ADARB1: variants seen among roughly 807,000 people sequenced by gnomAD.
ADARB1 encodes the protein adenosine deaminase RNA specific B1, also known as double-stranded RNA-specific editase 1.
ADARB1 carries 10 observed loss-of-function variants against 52.4 expected under a neutral mutation model. The observed-to-expected ratio is 0.19, with a 90% CI of 0.12 to 0.32. The LOEUF (loss-of-function observed/expected upper bound fraction) is 0.32. ADARB1 is among the 10% of genes least tolerant of loss of function. ADARB1 has a pLI of 1.00. For missense variants in ADARB1, 643 were observed against 922.3 expected (o/e 0.70, Z 3.92); for synonymous variants, 349 against 371.1 (o/e 0.94, Z 0.68).
intron 8 of ADARB1, among the ~76,000 whole-genome samples, chr21:45,189,195 A>C (rs8126717): frequency 0.68 from 103,454 of 151,048 alleles, 35,895 homozygotes; most frequent in African/African-American, 0.81. Flanking sequence ...ATTCTCATTT[A>C]TTTTATTTTT....
intron 1 of ADARB1, among the ~76,000 whole-genome samples, chr21:45,089,071 G>T (rs1031373597): frequency 1.2e-4 from 18 of 152,148 alleles, no homozygotes; most frequent in African/African-American, 4.3e-4. Context: ...AACAGAAGCC[G>T]GTATTGGTGG....
chr21:45,205,121 T>G (rs1338802187), intron 9 of ADARB1, among the ~76,000 whole-genome samples: 1 of 151,868 alleles, frequency 6.6e-6, no homozygotes, highest in Non-Finnish European at 1.5e-5. Flanking sequence ...ATCAGCCAGA[T>G]GAGGTGGGGC....
At chr21:45,104,658 G>A (rs2087168810) in intron 1 of ADARB1, among the ~76,000 whole-genome samples, 1 of 152,252 alleles carries the variant, frequency 6.6e-6, no homozygotes, top group Non-Finnish European at 1.5e-5. Context: ...ACATAGCATT[G>A]CTGGGCCCCT....
chr21:45,154,667 A>T (rs1330277752), intron 2 of ADARB1, among the ~76,000 whole-genome samples: 23 of 152,184 alleles, frequency 1.5e-4, no homozygotes, highest in Non-Finnish European at 2.9e-4. Context: ...TGCCTTCCAC[A>T]GGGCAAATAA....
intron 1 of ADARB1, among the ~76,000 whole-genome samples, chr21:45,110,852 G>A (rs1429610211): frequency 6.6e-6 from 1 of 152,126 alleles, no homozygotes; most frequent in Admixed American, 6.5e-5. Context: ...TTTACCTGCT[G>A]GAAGGTACTC....
At position 45,176,384 on chromosome 21, in the gene ADARB1, T is replaced by G; in HGVS notation, c.683T>G (p.Phe228Cys). The G allele has an allele frequency of 6.2e-7, 1 of 1,614,000 alleles. No homozygotes were observed. Among genetic ancestry groups the G allele is most frequent in the Non-Finnish European group, 8.5e-7 (1 of 1,179,990 alleles). Residue 228 changes from phenylalanine (F) to cysteine (C), a missense_variant, in exon 4 of 11, where the codon TTC becomes TGC. By Grantham distance (205) the Phe-to-Cys change is radical. Coordinates refer to ENST00000348831, the MANE Select transcript of ADARB1 (RefSeq NM_001112.4). The surrounding 1 kb of genome is among the most constrained non-coding windows in gnomAD (Gnocchi z 5.8). The part of the protein sequence containing the change: ...AQPPLPVLPP[F>C]PPPSGKNPVM... ...CCTCCTCTCCCTGTCTTACCACCAT[T>G]CCCACCCCCGAGTGGGAAGAATCCC...
Position 45,088,927 on chromosome 21 carries a change from G to A in ADARB1, c.-220+14134G>A, listed in dbSNP as rs746274269. Reference sequence around the variant, plus strand: ...ATGTCAGACGCTCCAGTAGAGGGACGTCCTGCAAAATACCTCACCTCATCA... The same window carrying A: ...ATGTCAGACGCTCCAGTAGAGGGACATCCTGCAAAATACCTCACCTCATCA... On this transcript the variant is annotated intron_variant, in intron 1 of 10. Coordinates refer to ENST00000348831, the MANE Select transcript of ADARB1 (RefSeq NM_001112.4). 5.8e-4 allele frequency among the ~76,000 whole-genome samples: 88 copies of A among 152,246 alleles called. 1 individual carries two copies. The highest frequency in any genetic ancestry group is 8.3e-4 in the South Asian group (4 of 4,810).
chr21:45,175,631 C>T, intron 3 of ADARB1, 99 bp from the exon 4 acceptor site: 1 of 1,210,844 alleles, frequency 8.3e-7, no homozygotes, highest in Non-Finnish European at 1.2e-6. Flanking sequence ...GCACACATCA[C>T]TTAACCAGTT....
chr21:45,125,922 T>A (rs1007951956), intron 1 of ADARB1, among the ~76,000 whole-genome samples: 1 of 152,228 alleles, frequency 6.6e-6, no homozygotes, highest in Non-Finnish European at 1.5e-5. Context: ...ACTCTTTAAT[T>A]TTTTTACTCC....
At chr21:45,177,039 C>G in intron 4 of ADARB1, 1 of 184,744 alleles carries the variant, frequency 5.4e-6, no homozygotes, top group South Asian at 1.5e-4. Flanking sequence ...AAACCTTGCC[C>G]CCAGTTCAGC....
In ADARB1 at chr21:45,082,596, T is replaced by C. The variant is rs112933539; in HGVS notation, c.-220+7803T>C. On this transcript the variant is annotated intron_variant, in intron 1 of 10. Transcript: ENST00000348831. The stretch of plus-strand genomic sequence containing the variant: ...GGTCTCATTACCCCTATTTATCAGA[T>C]CAGAAAACTGATGCTAAGGGGCTCA... Among the ~76,000 whole-genome samples the C allele has an allele frequency of 5.8e-3, 890 of 152,304 alleles. 14 individuals are homozygous for C. Among genetic ancestry groups the C allele is most frequent in the African/African-American group, 0.02 (841 of 41,556 alleles).
At chr21:45,211,003 C>T (rs2092758038) in intron 9 of ADARB1, among the ~76,000 whole-genome samples, 1 of 152,240 alleles carries the variant, frequency 6.6e-6, no homozygotes, top group South Asian at 2.1e-4. Flanking sequence ...CTGAGGTCTC[C>T]TTTGAGAAAG....
chr21:45,175,137 G>A (rs1432427967), intron 3 of ADARB1, among the ~76,000 whole-genome samples: 4 of 152,122 alleles, frequency 2.6e-5, no homozygotes, highest in Admixed American at 2.6e-4. Context: ...TTTAAAGATT[G>A]GTTCATAAAC....
intron 1 of ADARB1, among the ~76,000 whole-genome samples, chr21:45,093,633 T>C (rs2086644924): frequency 6.6e-6 from 1 of 152,182 alleles, no homozygotes; most frequent in South Asian, 2.1e-4. Context: ...CCTTTGACTG[T>C]GTGCCCGGAG....
At chr21:45,207,460 T>C (rs937062430) in intron 9 of ADARB1, among the ~76,000 whole-genome samples, 1 of 152,156 alleles carries the variant, frequency 6.6e-6, no homozygotes, top group African/African-American at 2.4e-5. Context: ...AGGCAAGTAA[T>C]GCTGTGGGTG....
intron 1 of ADARB1, among the ~76,000 whole-genome samples, chr21:45,084,637 G>A (rs2086271136): frequency 6.6e-6 from 1 of 152,230 alleles, no homozygotes; most frequent in Non-Finnish European, 1.5e-5. Flanking sequence ...TAAGCCACCA[G>A]AGGTAATTCA....
chr21:45,132,494 T>C (rs576189092), intron 2 of ADARB1, among the ~76,000 whole-genome samples: 4 of 152,298 alleles, frequency 2.6e-5, no homozygotes, highest in Admixed American at 2.0e-4. Context: ...TGAATTTCTT[T>C]AACTTGAGGC....
intron 1 of ADARB1, among the ~76,000 whole-genome samples, chr21:45,082,617 G>A (rs987380842): frequency 2.0e-5 from 3 of 152,180 alleles, no homozygotes; most frequent in East Asian, 1.9e-4. Context: ...ATGCTAAGGG[G>A]CTCAGTGACT....
chr21:45,125,874 T>C (rs2088544854), intron 1 of ADARB1, among the ~76,000 whole-genome samples: 1 of 152,232 alleles, frequency 6.6e-6, no homozygotes, highest in African/African-American at 2.4e-5. Context: ...TTCTTTGAGC[T>C]TACTTTGTTC....
Sources: allele counts gnomAD v4.1 joint callset (sites outside exome capture counted in the v4.1 genomes callset), GRCh38; gene constraint gnomAD v4.1.1; non-coding constraint Gnocchi (gnomAD v3.1); transcripts MANE v1.5; gene names NCBI Gene and HGNC (gene_info 2026-07-23, HGNC 2026-07-21).